The following SPATA22 variants were observed in gnomAD, a reference collection of about 807,000 sequenced individuals.
The protein encoded by SPATA22 is spermatogenesis associated 22.
Under a neutral mutation model 47.8 loss-of-function variants are expected in SPATA22, and 29 were observed. The observed-to-expected ratio is 0.61, with a 90% CI of 0.45 to 0.83. The LOEUF is 0.83. Ranked by LOEUF, SPATA22 falls within the 40% of genes least tolerant of loss-of-function variation. SPATA22 has a pLI of 0.00. For missense variants in SPATA22, 410 were observed against 421.7 expected (o/e 0.97, Z 0.24); for synonymous variants, 133 against 140.9 (o/e 0.94, Z 0.40).
chr17:3,508,755 T>TG (rs1181914297), intron 1 of SPATA22, among the ~76,000 whole-genome samples: 2 of 48,896 alleles, frequency 4.1e-5, no homozygotes, highest in Non-Finnish European at 7.1e-5. Context: ...TGTTGTGGGG[T>TG]GGGGGGAGGG....
chr17:3,465,125 C>T (rs1194542677), intron 3 of SPATA22, among the ~76,000 whole-genome samples: 2 of 128,290 alleles, frequency 1.6e-5, no homozygotes, highest in Non-Finnish European at 3.4e-5. Context: ...AGCGTCTCCG[C>T]CCGGCAGCCA....
At chr17:3,483,704 C>T in intron 1 of SPATA22, 2 of 1,065,896 alleles carry the variant, frequency 1.9e-6, no homozygotes, top group Non-Finnish European at 2.8e-6. Flanking sequence ...GCTCTGTCAC[C>T]CAGGCTGGAG....
chr17:3,442,019 A>C (rs2072608870), intron 8 of SPATA22, among the ~76,000 whole-genome samples: 1 of 152,044 alleles, frequency 6.6e-6, no homozygotes, highest in South Asian at 2.1e-4. Context: ...GAATGGGAAG[A>C]AGCACAAAGG....
At chr17:3,453,633 G>A (rs779105867) in intron 5 of SPATA22, among the ~76,000 whole-genome samples, 2 of 151,998 alleles carry the variant, frequency 1.3e-5, no homozygotes, top group Non-Finnish European at 2.9e-5. Flanking sequence ...ATAGTTACAG[G>A]CTGGGCATTC....
At chr17:3,474,065 A>T (rs2073486606), upstream of SPATA22, 1 of 152,204 alleles carries the variant, frequency 6.6e-6, no homozygotes, top group African/African-American at 2.4e-5. Context: ...TCGGAAGTTA[A>T]CTTGGTATAA....
intron 5 of SPATA22, among the ~76,000 whole-genome samples, chr17:3,457,705 G>A (rs1252954324): frequency 2.0e-5 from 3 of 152,108 alleles, no homozygotes. Context: ...ACAAAAGTGA[G>A]AAGAACACAC....
intron 5 of SPATA22, among the ~76,000 whole-genome samples, chr17:3,452,210 A>G (rs1400249513): frequency 6.6e-6 from 1 of 151,756 alleles, no homozygotes; most frequent in East Asian, 1.9e-4. Flanking sequence ...AATTAGAAAA[A>G]GAATAACAAA....
exon 1 of SPATA22, chr17:3,513,431 T>C: frequency 6.4e-6 from 1 of 155,768 alleles, no homozygotes. Context: ...CCGCACACTC[T>C]GGGATGGGAT....
At chr17:3,476,480 C>T (rs1439455188), upstream of SPATA22, 4 of 1,247,028 alleles carry the variant, frequency 3.2e-6, no homozygotes, top group African/African-American at 1.5e-5. Flanking sequence ...TATGTATATG[C>T]AGATGATAAT....
At chr17:3,510,013 GTT>G (rs938584960) in intron 1 of SPATA22, among the ~76,000 whole-genome samples, 1 of 152,038 alleles carries the variant, frequency 6.6e-6, no homozygotes, top group Non-Finnish European at 1.5e-5. Context: ...TGATGGGGTT[GTT>G]TTTTTCTTGT....
chr17:3,475,505 C>A (rs538267146), upstream of SPATA22: 4 of 152,454 alleles, frequency 2.6e-5, no homozygotes, highest in East Asian at 5.8e-4. Flanking sequence ...TTCAGGGTAG[C>A]TTTTCGAGTC....
chr17:3,468,810 T>G, intron 2 of SPATA22: 1 of 494,164 alleles, frequency 2.0e-6, no homozygotes, highest in Non-Finnish European at 2.6e-6. Context: ...TTGAATACAG[T>G]TAATCCACCA....
chr17:3,445,356 T>C (rs1004443707), intron 7 of SPATA22, among the ~76,000 whole-genome samples: 1 of 152,100 alleles, frequency 6.6e-6, no homozygotes, highest in East Asian at 1.9e-4. Context: ...CTAAGAGATA[T>C]GCTTCAAGCA....
chr17:3,446,331 T>G, intron 7 of SPATA22, 141 bp downstream of exon 7: 1 of 643,872 alleles, frequency 1.6e-6, no homozygotes, highest in Non-Finnish European at 2.4e-6. Context: ...ACAGGGACTA[T>G]TATTAAAACC....
rs542715039 is a variant in SPATA22, at chr17:3,479,938, G to GGA, written c.-73-10542_-73-10541dup. On this transcript the variant is annotated intron_variant, in intron 1 of 8. Transcript: ENST00000541913. ...GTATCTTAACCATTGTGGGAAGTGGGGAGAGGGTAGAGGCCCATTTGAGAA... is the reference window on the plus strand; with the variant it reads ...GTATCTTAACCATTGTGGGAAGTGGGGAGAGAGGGTAGAGGCCCATTTGAGAA... Among the ~76,000 whole-genome samples, 21 of 152,304 alleles carry GGA rather than the reference G, an allele frequency of 1.4e-4. 1 individual carries two copies. The East Asian group carries it at 3.1e-3, about 22-fold the overall frequency.
chr17:3,443,297 A>T lies in SPATA22; in HGVS notation c.803-26T>A, dbSNP rs1597384709. 9 of 1,512,514 alleles carry T rather than the reference A, an allele frequency of 6.0e-6. 1 individual carries two copies. In the East Asian group the frequency reaches 2.1e-4, roughly 35 times the overall value. 93.7% of individuals were successfully genotyped at this position (1,512,514 alleles called of 1,614,324 possible). A position where few individuals can be genotyped will look rare whatever the true frequency, so the allele number is the denominator to read the frequency against. ...CTAAGCAATATTGAAATGGGGGAAA[A>T]AATGAATGTTGGTAAACTGCAAATA... On this transcript the variant is annotated intron_variant, in intron 7 of 8. Transcript: ENST00000572969.
Position 3,464,011 on chromosome 17 carries a change from C to T in SPATA22, c.173-1244G>A, listed in dbSNP as rs201478408. On this transcript the variant is annotated intron_variant, in intron 3 of 8. Transcript: ENST00000572969. ...CGGTCTCCCTCTCCCTCTGTTTCCA[C>T]GGTCTCCCTCTCATGCCAAGCCGAA... Among the ~76,000 whole-genome samples the T allele has an allele frequency of 3.7e-5, 5 of 136,494 alleles. No homozygotes were observed. In the East Asian group the frequency reaches 8.3e-4, roughly 23 times the overall value. 89.5% of individuals were successfully genotyped at this position (136,494 alleles called of 152,430 possible).
chr17:3,483,349 T>C (rs2073666682), intron 1 of SPATA22: 1 of 696,638 alleles, frequency 1.4e-6, no homozygotes, highest in Non-Finnish European at 2.6e-6. Flanking sequence ...AAAGCTATAA[T>C]ACCATTGGGT....
chr17:3,503,486 G>C (rs1435348005), intron 1 of SPATA22: 3 of 152,130 alleles, frequency 2.0e-5, no homozygotes, highest in African/African-American at 7.2e-5. Flanking sequence ...ATGTTCCGTT[G>C]TGTCCTATTT....
Sources: allele counts gnomAD v4.1 joint callset (sites outside exome capture counted in the v4.1 genomes callset), GRCh38; gene constraint gnomAD v4.1.1; transcripts MANE v1.5; gene names NCBI Gene and HGNC (gene_info 2026-07-23, HGNC 2026-07-21).